The following THSD4 variants were observed in gnomAD, a reference collection of about 807,000 sequenced individuals.
THSD4 encodes thrombospondin type 1 domain containing 4.
THSD4 carries 69 observed loss-of-function variants against 119.0 expected under a neutral mutation model. The observed-to-expected ratio is 0.58, with a 90% CI of 0.48 to 0.71. THSD4 has a LOEUF of 0.71. Ranked by LOEUF, THSD4 falls within the 30% of genes least tolerant of loss-of-function variation. The pLI is 0.00. For synonymous variants in THSD4, 524 were observed against 540.4 expected (o/e 0.97, Z 0.42); for missense variants, 1,393 against 1,391.1 (o/e 1.00, Z -0.02).
intron 4 of THSD4, among the ~76,000 whole-genome samples, chr15:71,237,496 G>A (rs981049462): frequency 1.2e-4 from 18 of 152,152 alleles, no homozygotes; most frequent in East Asian, 1.9e-4. Context: ...TGTTGACTTC[G>A]AAGTGACACG....
chr15:71,483,599 A>G (rs567443514), intron 7 of THSD4, among the ~76,000 whole-genome samples: 1 of 152,032 alleles, frequency 6.6e-6, no homozygotes, highest in South Asian at 2.1e-4. Context: ...TTATTTTTAC[A>G]TTTTAAGTTC....
At chr15:71,524,452 T>A (rs1052338267) in intron 7 of THSD4, among the ~76,000 whole-genome samples, 1 of 152,150 alleles carries the variant, frequency 6.6e-6, no homozygotes, top group Non-Finnish European at 1.5e-5. Context: ...GATGGCTGAC[T>A]CTCATGCTGC....
At chr15:71,666,314 A>G (rs934927282) in intron 8 of THSD4, among the ~76,000 whole-genome samples, 1 of 152,066 alleles carries the variant, frequency 6.6e-6, no homozygotes, top group Non-Finnish European at 1.5e-5. Flanking sequence ...GAGCATCCCT[A>G]GGATTCTCTT....
At chr15:71,403,442 C>T (rs943910523) in intron 6 of THSD4, among the ~76,000 whole-genome samples, 7 of 152,156 alleles carry the variant, frequency 4.6e-5, no homozygotes, top group Admixed American at 3.9e-4. Context: ...TGTTTCTATT[C>T]AGGGTGCTTG....
At chr15:71,564,293 C>A (rs1017342567) in intron 7 of THSD4, among the ~76,000 whole-genome samples, 12 of 152,174 alleles carry the variant, frequency 7.9e-5, no homozygotes, top group African/African-American at 2.9e-4. Context: ...GGACCATAAT[C>A]CAGTGTGAAA....
At chr15:71,622,678 A>G (rs1301193359) in intron 7 of THSD4, among the ~76,000 whole-genome samples, 1 of 152,202 alleles carries the variant, frequency 6.6e-6, no homozygotes, top group Non-Finnish European at 1.5e-5. Flanking sequence ...GCTAAGGACC[A>G]ATGGAGAAGC....
chr15:71,701,750 G>A (rs908962649), intron 8 of THSD4, among the ~76,000 whole-genome samples: 6 of 151,986 alleles, frequency 3.9e-5, no homozygotes, highest in South Asian at 2.1e-4. Context: ...ATGCCTGTCC[G>A]CACATGCACA....
At chr15:71,599,092 A>G (rs547638116) in intron 7 of THSD4, among the ~76,000 whole-genome samples, 1 of 152,152 alleles carries the variant, frequency 6.6e-6, no homozygotes, top group Non-Finnish European at 1.5e-5. Flanking sequence ...GGACCACTTG[A>G]CAAACCTTAG....
At chr15:71,348,315 T>G (rs1040066933) in intron 6 of THSD4, 1 of 152,236 alleles carries the variant, frequency 6.6e-6, no homozygotes, top group East Asian at 1.9e-4. Context: ...TAGGTCCACA[T>G]GAACCTGCGA....
chr15:71,457,733 G>T (rs1247027293), intron 7 of THSD4, among the ~76,000 whole-genome samples: 1 of 152,172 alleles, frequency 6.6e-6, no homozygotes, highest in Non-Finnish European at 1.5e-5. Context: ...CTGTCTCCAA[G>T]ACTTGTCCCT....
chr15:71,245,829 G>A (rs1034174922), intron 5 of THSD4, among the ~76,000 whole-genome samples: 1 of 152,166 alleles, frequency 6.6e-6, no homozygotes. Flanking sequence ...GGTGAGAACT[G>A]CCCTGAAATC....
chr15:71,498,826 G>T (rs1445007337), intron 7 of THSD4, among the ~76,000 whole-genome samples: 1 of 150,326 alleles, frequency 6.7e-6, no homozygotes, highest in Non-Finnish European at 1.5e-5. Flanking sequence ...CTCCCAAGTA[G>T]CTGGGACCAC....
chr15:71,329,627 G>A (rs998456431), intron 6 of THSD4, among the ~76,000 whole-genome samples: 2 of 152,148 alleles, frequency 1.3e-5, no homozygotes, highest in Non-Finnish European at 2.9e-5. Context: ...GGACATTCCC[G>A]AGACGCCAGC....
Position 71,320,579 on chromosome 15 carries a change from T to A in THSD4, c.1015+63864T>A, listed in dbSNP as rs112317512. Among the ~76,000 whole-genome samples the A allele has an allele frequency of 9.6e-3, 1,460 of 152,250 alleles. 8 individuals are homozygous for A. The highest frequency in any genetic ancestry group is 0.017 in the Middle Eastern group (5 of 294). ...CACGTTAGATTGGTAAAGAGACAGA[T>A]AACACATAGAAAAAAAGATCCAAGT... is the stretch of plus-strand genomic sequence containing the variant. On this transcript the variant is annotated intron_variant, in intron 6 of 17. Coordinates refer to ENST00000261862, the MANE Select transcript of THSD4 (RefSeq NM_024817.3).
At chr15:71,448,250 T>C (rs1304280831) in intron 7 of THSD4, among the ~76,000 whole-genome samples, 2 of 152,304 alleles carry the variant, frequency 1.3e-5, no homozygotes, top group Admixed American at 1.3e-4. Flanking sequence ...ACATCCTCAT[T>C]GAGAATATTA....
chr15:71,223,354 T>A (rs2043990336), intron 4 of THSD4, among the ~76,000 whole-genome samples: 1 of 152,186 alleles, frequency 6.6e-6, no homozygotes. Flanking sequence ...AACTAACACC[T>A]CTTTGAGATG....
chr15:71,098,207 T>TG (rs2040239647), intron 1 of THSD4, among the ~76,000 whole-genome samples: 1 of 136,754 alleles, frequency 7.3e-6, no homozygotes, highest in Non-Finnish European at 1.6e-5. Context: ...TTTTTTTTTT[T>TG]TTTTTTGGGG....
At chr15:71,705,561 T>G (rs931835722) in intron 8 of THSD4, among the ~76,000 whole-genome samples, 2 of 152,148 alleles carry the variant, frequency 1.3e-5, no homozygotes, top group African/African-American at 2.4e-5. Context: ...GAGCCCCTTA[T>G]AGACCAACAC....
intron 4 of THSD4, among the ~76,000 whole-genome samples, chr15:71,226,324 A>G (rs919465586): frequency 1.3e-5 from 2 of 152,116 alleles, no homozygotes; most frequent in Non-Finnish European, 2.9e-5. Flanking sequence ...GTCCCTTTCT[A>G]TAATTTGTTG....
Sources: allele counts gnomAD v4.1 joint callset (sites outside exome capture counted in the v4.1 genomes callset), GRCh38; gene constraint gnomAD v4.1.1; transcripts MANE v1.5; gene names NCBI Gene and HGNC (gene_info 2026-07-23, HGNC 2026-07-21).